KDM7A: variants seen among roughly 807,000 people sequenced by gnomAD.
The protein encoded by KDM7A is lysine-specific demethylase 7A.
In KDM7A, 28 loss-of-function variants were observed where a neutral mutation model predicts 114.8. The observed-to-expected ratio is 0.24, with a 90% CI of 0.18 to 0.33. The LOEUF (loss-of-function observed/expected upper bound fraction) is 0.33, where lower values mean the gene tolerates loss of function less well. Among genes scored for constraint, KDM7A ranks in the 10% least tolerant of loss-of-function variants. The probability of loss-of-function intolerance (pLI) is 1.00; values close to 1 mark genes in which losing one functional copy is unlikely to be tolerated. For missense variants in KDM7A, 942 were observed against 1,142.5 expected (o/e 0.82, Z 2.53); for synonymous variants, 423 against 397.8 (o/e 1.06, Z -0.75).
intron 1 of KDM7A, among the ~76,000 whole-genome samples, chr7:140,174,172 A>G (rs1255749089): frequency 2.0e-5 from 3 of 152,012 alleles, no homozygotes; most frequent in African/African-American, 7.2e-5. Flanking sequence ...TCCAAAAAAA[A>G]AAAAAAGAAA....
At chr7:140,172,720 T>C (rs1038515317) in intron 1 of KDM7A, among the ~76,000 whole-genome samples, 2 of 152,060 alleles carry the variant, frequency 1.3e-5, no homozygotes, top group Non-Finnish European at 2.9e-5. Flanking sequence ...ATTGTACTTC[T>C]GTGAAATTAA....
chr7:140,115,092 C>A (rs1288688564), intron 9 of KDM7A, among the ~76,000 whole-genome samples: 2 of 151,768 alleles, frequency 1.3e-5, no homozygotes, highest in South Asian at 2.1e-4. Flanking sequence ...GGGGGGCAGC[C>A]CCCGCCCGGC....
intron 13 of KDM7A, 83 bp from the exon 14 acceptor site, chr7:140,099,116 C>A: frequency 9.6e-7 from 1 of 1,044,142 alleles, no homozygotes; most frequent in South Asian, 1.5e-5. Flanking sequence ...CCTTAATTTA[C>A]AAAGAGTAGA....
Position 140,088,344 on chromosome 7 carries a change from T to C in KDM7A, c.*2750A>G, listed in dbSNP as rs1817967886. The stretch of plus-strand genomic sequence containing the variant: ...TGGATCCCAGCTGAACAGTCACTTA[T>C]TTGAAACAATACAGGAAAATTATCA... On this transcript the variant is annotated 3_prime_UTR_variant, in exon 20 of 20. Transcript: ENST00000397560. 4 of 393,140 alleles carry C rather than the reference T, an allele frequency of 1.0e-5. No individual in the cohort carries two copies. The highest frequency in any genetic ancestry group is 1.8e-5 in the Non-Finnish European group (4 of 222,876). The allele number at this position is 393,140 out of a possible 1,614,324, so 24.4% of individuals were successfully genotyped here.
At chr7:140,100,741 T>TATATATATATATATATATATATAC (rs1562946178) in intron 12 of KDM7A, among the ~76,000 whole-genome samples, 11 of 45,606 alleles carry the variant, frequency 2.4e-4, no homozygotes, top group Non-Finnish European at 3.7e-4. Flanking sequence ...TATATATATA[T>TATATATATATATATATATATATAC]ACATATATAT....
chr7:140,174,056 C>A (rs1171945322), intron 1 of KDM7A, among the ~76,000 whole-genome samples: 1 of 151,290 alleles, frequency 6.6e-6, no homozygotes, highest in Non-Finnish European at 1.5e-5. Context: ...CCCAGCTACT[C>A]GGGAGGCTGA....
intron 3 of KDM7A, among the ~76,000 whole-genome samples, chr7:140,131,354 A>C (rs1818783706): frequency 6.6e-6 from 1 of 152,172 alleles, no homozygotes. Context: ...GCTGCTACAC[A>C]TTCAAAATTA....
chr7:140,124,547 C>T (rs1365389149), intron 7 of KDM7A, 74 bp downstream of exon 7: 1 of 1,031,714 alleles, frequency 9.7e-7, no homozygotes, highest in Non-Finnish European at 1.4e-6. Flanking sequence ...ATGTTAAAGC[C>T]AGAGGTTCTA....
At chr7:140,161,592 G>C (rs1343848138) in intron 1 of KDM7A, among the ~76,000 whole-genome samples, 1 of 151,624 alleles carries the variant, frequency 6.6e-6, no homozygotes, top group Non-Finnish European at 1.5e-5. Flanking sequence ...CTGTCACCCA[G>C]GCTGGAGTGC....
At chr7:140,154,987 A>G (rs1428292370) in intron 1 of KDM7A, among the ~76,000 whole-genome samples, 1 of 152,174 alleles carries the variant, frequency 6.6e-6, no homozygotes, top group African/African-American at 2.4e-5. Context: ...CCACCCCTTT[A>G]TCAACACAGG....
intron 3 of KDM7A, among the ~76,000 whole-genome samples, chr7:140,132,231 T>C (rs1040966868): frequency 6.6e-6 from 1 of 152,212 alleles, no homozygotes; most frequent in Non-Finnish European, 1.5e-5. Flanking sequence ...TAAAGCTTTG[T>C]GGCATTAAAA....
intron 11 of KDM7A, among the ~76,000 whole-genome samples, chr7:140,105,020 G>A (rs1818305891): frequency 1.3e-5 from 2 of 152,064 alleles, no homozygotes; most frequent in Admixed American, 6.5e-5. Flanking sequence ...CTTGTAAATC[G>A]GATTCCTAGG....
At chr7:140,142,634 G>C (rs1794296669) in intron 1 of KDM7A, among the ~76,000 whole-genome samples, 3 of 152,144 alleles carry the variant, frequency 2.0e-5, no homozygotes, top group African/African-American at 4.8e-5. Flanking sequence ...AGATGATGTA[G>C]AGCAATAGGA....
intron 1 of KDM7A, among the ~76,000 whole-genome samples, chr7:140,162,079 T>C (rs188329866): frequency 7.9e-5 from 12 of 152,260 alleles, no homozygotes; most frequent in Admixed American, 1.3e-4. Flanking sequence ...CTCACACCTG[T>C]AATCCCGGCA....
intron 3 of KDM7A, among the ~76,000 whole-genome samples, chr7:140,129,873 A>G (rs1818759162): frequency 6.6e-6 from 1 of 152,182 alleles, no homozygotes; most frequent in African/African-American, 2.4e-5. Flanking sequence ...CAATACATAT[A>G]ATTAGAAATA....
At chr7:140,164,410 T>C (rs1017441355) in intron 1 of KDM7A, among the ~76,000 whole-genome samples, 1 of 152,200 alleles carries the variant, frequency 6.6e-6, no homozygotes, top group African/African-American at 2.4e-5. Context: ...GCCCTCTACC[T>C]ACTAGCTGCT....
At chr7:140,159,981 T>C (rs1317025361) in intron 1 of KDM7A, among the ~76,000 whole-genome samples, 1 of 151,456 alleles carries the variant, frequency 6.6e-6, no homozygotes, top group East Asian at 1.9e-4. Context: ...ACCCTTTCTC[T>C]GTGTCTACTA....
At chr7:140,169,666 C>T (rs1794616964) in intron 1 of KDM7A, among the ~76,000 whole-genome samples, 1 of 152,122 alleles carries the variant, frequency 6.6e-6, no homozygotes, top group African/African-American at 2.4e-5. Flanking sequence ...GCTGGGATTA[C>T]AGGTGCACAC....
At chr7:140,169,524 GTTTT>G (rs1388773789) in intron 1 of KDM7A, among the ~76,000 whole-genome samples, 1 of 151,914 alleles carries the variant, frequency 6.6e-6, no homozygotes, top group Non-Finnish European at 1.5e-5. Flanking sequence ...AACTAATGGG[GTTTT>G]TTTGTTTTGT....
Sources: gnomAD v4.1 joint callset for allele counts (sites outside exome capture counted in the v4.1 genomes callset) on GRCh38, gnomAD v4.1.1 for gene constraint, MANE v1.5 for transcripts, NCBI Gene and HGNC (gene_info 2026-07-23, HGNC 2026-07-21) for gene names.